Variants in TTC22 observed in about 807,000 individuals in gnomAD.
The protein encoded by TTC22 is tetratricopeptide repeat domain 22, also known as tetratricopeptide repeat protein 22.
Under a neutral mutation model 48.2 loss-of-function variants are expected in TTC22, and 42 were observed. The observed-to-expected ratio is 0.87, with a 90% CI of 0.68 to 1.13. The LOEUF is 1.13. Among genes scored for constraint, TTC22 ranks in the 50% most tolerant of loss-of-function variants. TTC22 has a pLI of 0.00. For missense variants in TTC22, 784 were observed against 807.0 expected, an observed-to-expected ratio of 0.97 and a Z score of 0.34; for synonymous variants, 345 against 365.5, an observed-to-expected ratio of 0.94 and a Z score of 0.64.
Position 54,786,129 on chromosome 1 carries a change from T to C in TTC22, c.874A>G (p.Lys292Glu). The change falls in exon 5 of 7, where the codon AAG becomes GAG. Residue 292 changes from lysine (K) to glutamate (E), a missense_variant. By Grantham distance (56) the Lys-to-Glu change is moderately conservative. Coordinates refer to ENST00000371276, the MANE Select transcript of TTC22 (RefSeq NM_001114108.2). ...DCFGKAIEIA[K>E]NQPPILNRLA... ...CGATTCAGGATGGGAGGTTGGTTCT[T>C]GGCAATCTCAATGGCCTAGGTAAGG... The C allele has an allele frequency of 6.2e-7, 1 of 1,614,078 alleles. No homozygotes were observed. The highest frequency in any genetic ancestry group is 8.5e-7 in the Non-Finnish European group (1 of 1,179,968).
At chr1:54,782,798 C>T (rs1024328137) in intron 5 of TTC22, among the ~76,000 whole-genome samples, 6 of 152,078 alleles carry the variant, frequency 3.9e-5, no homozygotes, top group African/African-American at 9.7e-5. Flanking sequence ...CAGGAGGTAC[C>T]GTGGTAACAA....
chr1:54,796,161 C>T (rs1646388241), intron 1 of TTC22, among the ~76,000 whole-genome samples: 1 of 152,224 alleles, frequency 6.6e-6, no homozygotes, highest in African/African-American at 2.4e-5. Flanking sequence ...ATTGTGGAGT[C>T]GTGTGTGTGT....
At chr1:54,785,946 C>T (rs377181170) in intron 5 of TTC22, 37 bp downstream of exon 5, 220 of 1,593,800 alleles carry the variant, frequency 1.4e-4, no homozygotes, top group Non-Finnish European at 1.8e-4. Context: ...CTCTGATTCC[C>T]AATGGCAGGG....
chr1:54,787,457 G>A lies in TTC22; in HGVS notation c.739+254C>T, dbSNP rs1041429019. 4 of 580,796 alleles carry A rather than the reference G, an allele frequency of 6.9e-6. No individual in the cohort carries two copies. The African/African-American group carries it at 7.5e-5, about 11-fold the overall frequency. 36.0% of individuals were successfully genotyped at this position (580,796 alleles called of 1,614,324 possible). On this transcript the variant is annotated intron_variant, in intron 3 of 6. Coordinates refer to ENST00000371276, the MANE Select transcript of TTC22 (RefSeq NM_001114108.2). ...TCTGACCATAAATAGGTGGAAATAG[G>A]GGAAACTACCTCTCACCCTCCAGGT...
chr1:54,790,780 GCTGCTGCTGCTTCTTT>G (rs1646344184), intron 1 of TTC22, among the ~76,000 whole-genome samples: 1 of 152,138 alleles, frequency 6.6e-6, no homozygotes, highest in African/African-American at 2.4e-5. Flanking sequence ...TGCTGCTGCT[GCTGCTGCTGCTTCTTT>G]CTTCTTTCTT....
intron 1 of TTC22, among the ~76,000 whole-genome samples, chr1:54,800,072 A>T (rs982883204): frequency 2.0e-5 from 3 of 152,044 alleles, no homozygotes; most frequent in East Asian, 3.9e-4. Context: ...ATGCCCTACA[A>T]CCTGTACTTT....
intron 1 of TTC22, among the ~76,000 whole-genome samples, chr1:54,796,121 A>T (rs931849752): frequency 6.6e-6 from 1 of 152,404 alleles, no homozygotes; most frequent in East Asian, 1.9e-4. Flanking sequence ...CTACCTCCTC[A>T]TGGAGCTGAA....
At chr1:54,785,491 G>T (rs961340709) in intron 5 of TTC22, 3 of 439,428 alleles carry the variant, frequency 6.8e-6, no homozygotes, top group Non-Finnish European at 1.4e-5. Flanking sequence ...CCTGCAGTGA[G>T]TGGAGGCTCC....
At chr1:54,784,840 G>T in intron 5 of TTC22, 2 of 1,294,402 alleles carry the variant, frequency 1.5e-6, no homozygotes, top group Admixed American at 4.8e-5. Context: ...GGCTCTGTGT[G>T]GGCTCTAGGA....
rs1045461702 is a variant in TTC22, at chr1:54,781,203, G to A, written c.*40C>T. ...GGTCCCATCAGCTGGGCGGGGCCTG[G>A]GCGGGGTCCCAGGGAGCCTCCGGCC... is the stretch of plus-strand genomic sequence containing the variant. On this transcript the variant is annotated 3_prime_UTR_variant, in exon 7 of 7. Coordinates refer to ENST00000371276, the MANE Select transcript of TTC22 (RefSeq NM_001114108.2). 2.9e-6 allele frequency: 4 copies of A among 1,365,758 alleles called. No individual in the cohort carries two copies. The highest frequency in any genetic ancestry group is 1.5e-5 in the African/African-American group (1 of 64,776). 84.6% of individuals were successfully genotyped at this position (1,365,758 alleles called of 1,614,324 possible). A position where few individuals can be genotyped will look rare whatever the true frequency, so the allele number is the denominator to read the frequency against.
chr1:54,785,783 A>G, intron 5 of TTC22, 200 bp downstream of exon 5: 2 of 566,442 alleles, frequency 3.5e-6, no homozygotes, highest in South Asian at 4.1e-5. Flanking sequence ...ACCATACTCC[A>G]GTTGGGTGAC....
intron 4 of TTC22, 39 bp downstream of exon 4, chr1:54,786,918 T>G (rs772587015): frequency 9.0e-7 from 1 of 1,113,316 alleles, no homozygotes; most frequent in South Asian, 1.8e-5. Context: ...GCCAGGCTCC[T>G]TCTCAGTTTA....
At chr1:54,794,136 T>G (rs986567389) in intron 1 of TTC22, among the ~76,000 whole-genome samples, 1 of 152,136 alleles carries the variant, frequency 6.6e-6, no homozygotes. Context: ...TACCCTAAGG[T>G]GGAGCAAAAA....
chr1:54,798,801 C>T (rs1422365548), intron 1 of TTC22, among the ~76,000 whole-genome samples: 1 of 152,174 alleles, frequency 6.6e-6, no homozygotes, highest in African/African-American at 2.4e-5. Flanking sequence ...GGCATTTTTA[C>T]TCTCATCATT....
At chr1:54,786,815 A>G in intron 4 of TTC22, 142 bp downstream of exon 4, 1 of 444,416 alleles carries the variant, frequency 2.3e-6, no homozygotes, top group Non-Finnish European at 4.0e-6. Context: ...GAGGATGGAG[A>G]GCAAGGTCTG....
At chr1:54,787,673 G>A (rs2269999) in intron 3 of TTC22, 38 bp downstream of exon 3, 383,852 of 1,498,476 alleles carry the variant, frequency 0.26, 51,436 homozygotes, top group East Asian at 0.47. Flanking sequence ...TTGGCAGGGG[G>A]CAGAGGCTGC....
chr1:54,785,844 G>A, intron 5 of TTC22, 139 bp downstream of exon 5: 1 of 762,142 alleles, frequency 1.3e-6, no homozygotes, highest in Non-Finnish European at 2.1e-6. Context: ...GAACCCAACT[G>A]TGTTTTTTGA....
At chr1:54,792,301 G>A (rs1030748958) in intron 1 of TTC22, among the ~76,000 whole-genome samples, 2 of 152,210 alleles carry the variant, frequency 1.3e-5, no homozygotes, top group Admixed American at 1.3e-4. Flanking sequence ...AGTGGAAATG[G>A]AACAGAATTA....
intron 1 of TTC22, among the ~76,000 whole-genome samples, chr1:54,792,362 C>T (rs1236409690): frequency 1.3e-5 from 2 of 152,156 alleles, no homozygotes; most frequent in Admixed American, 1.3e-4. Context: ...AGCTTTATTC[C>T]TCTATCCCTG....
Sources: gnomAD v4.1 joint callset for allele counts (sites outside exome capture counted in the v4.1 genomes callset) on GRCh38, gnomAD v4.1.1 for gene constraint, MANE v1.5 for transcripts, NCBI Gene and HGNC (gene_info 2026-07-23, HGNC 2026-07-21) for gene names.